EYA3: variants seen among roughly 807,000 people sequenced by gnomAD.
EYA3 encodes EYA transcriptional coactivator and phosphatase 3, also known as protein phosphatase EYA3.
A neutral mutation model predicts 80.0 loss-of-function variants in EYA3; 39 were observed. The observed-to-expected ratio is 0.49, with a 90% CI of 0.38 to 0.64. EYA3 has a LOEUF of 0.64. EYA3 is among the 30% of genes least tolerant of loss of function. The probability of loss-of-function intolerance (pLI) is 0.00; values close to 1 mark genes in which losing one functional copy is unlikely to be tolerated. For missense variants in EYA3, 523 were observed against 676.1 expected (o/e 0.77, Z 2.51); for synonymous variants, 206 against 232.8 (o/e 0.88, Z 1.05).
At chr1:27,989,845 G>A (rs753062195) in intron 14 of EYA3, 34 bp from the exon 15 acceptor site, 16 of 1,396,290 alleles carry the variant, frequency 1.1e-5, no homozygotes, top group Admixed American at 2.1e-5. Context: ...TTTATCATTT[G>A]ACAACATATA....
At chr1:28,035,183 A>G (rs1643375546) in intron 6 of EYA3, among the ~76,000 whole-genome samples, 1 of 152,216 alleles carries the variant, frequency 6.6e-6, no homozygotes, top group Non-Finnish European at 1.5e-5. Context: ...ATACATATTC[A>G]GACTACCTGG....
At chr1:28,085,216 C>G (rs919076584) in intron 1 of EYA3, among the ~76,000 whole-genome samples, 1 of 152,022 alleles carries the variant, frequency 6.6e-6, no homozygotes, top group East Asian at 1.9e-4. Flanking sequence ...TTTGAGAGCC[C>G]GAGGCAGGCA....
intron 16 of EYA3, among the ~76,000 whole-genome samples, chr1:27,987,064 C>A (rs1270681634): frequency 6.6e-6 from 1 of 152,176 alleles, no homozygotes; most frequent in Non-Finnish European, 1.5e-5. Flanking sequence ...ATGTCTGGAA[C>A]CTTTTCATTT....
intron 1 of EYA3, among the ~76,000 whole-genome samples, chr1:28,065,036 C>T (rs1382760598): frequency 6.6e-6 from 1 of 152,228 alleles, no homozygotes; most frequent in Admixed American, 6.5e-5. Flanking sequence ...ATACAGTAGT[C>T]TCCCCTTCCA....
intron 10 of EYA3, among the ~76,000 whole-genome samples, chr1:28,004,971 C>G (rs533448351): frequency 6.6e-6 from 1 of 151,958 alleles, no homozygotes; most frequent in Non-Finnish European, 1.5e-5. Context: ...AAAGAAGATT[C>G]AAATGACTAA....
At chr1:28,076,005 C>T (rs749398645) in intron 1 of EYA3, among the ~76,000 whole-genome samples, 8 of 152,250 alleles carry the variant, frequency 5.3e-5, no homozygotes, top group Non-Finnish European at 2.9e-5. Flanking sequence ...GACCTACACT[C>T]AGCTAACCTC....
chr1:27,978,528 C>A, intron 16 of EYA3, 54 bp from the exon 17 acceptor site: 1 of 1,448,566 alleles, frequency 6.9e-7, no homozygotes, highest in South Asian at 1.1e-5. Context: ...TTTTCAAAAC[C>A]AAAGAAGAGG....
intron 1 of EYA3, among the ~76,000 whole-genome samples, chr1:28,076,792 G>C (rs1645227304): frequency 2.1e-5 from 3 of 144,988 alleles, no homozygotes; most frequent in South Asian, 4.3e-4. Context: ...CCAGGCTGGA[G>C]TGCGATGGCG....
chr1:28,029,317 C>T (rs1009279938), intron 6 of EYA3, among the ~76,000 whole-genome samples: 1 of 152,186 alleles, frequency 6.6e-6, no homozygotes, highest in African/African-American at 2.4e-5. Flanking sequence ...GCAGAGGCTA[C>T]TGTGATGTGT....
chr1:28,056,456 A>G (rs1644441583), intron 2 of EYA3, among the ~76,000 whole-genome samples: 1 of 152,136 alleles, frequency 6.6e-6, no homozygotes, highest in African/African-American at 2.4e-5. Context: ...TCTTGTTTCA[A>G]GGGGAACTAT....
chr1:28,038,968 A>G, intron 4 of EYA3, 63 bp from the exon 5 acceptor site: 1 of 1,010,848 alleles, frequency 9.9e-7, no homozygotes, highest in Non-Finnish European at 1.5e-6. Context: ...GAATGGGAAA[A>G]CTGCACATCT....
Position 27,972,197 on chromosome 1 carries a change from C to G in EYA3, c.*2269G>C, listed in dbSNP as rs1294202698. On this transcript the variant is annotated 3_prime_UTR_variant, in exon 18 of 18. Transcript: ENST00000373871. ...GTGGCCTTTGTCCAGGACAAAAACC[C>G]AACAGCTATACTGCATAGGGGGAGG... The G allele has an allele frequency of 6.6e-6, 1 of 152,192 alleles. No individual in the cohort carries two copies. The highest frequency in any genetic ancestry group is 1.5e-5 in the Non-Finnish European group (1 of 68,050). The allele number at this position is 152,192 out of a possible 1,614,324, so 9.4% of individuals were successfully genotyped here.
intron 1 of EYA3, among the ~76,000 whole-genome samples, chr1:28,081,807 T>A (rs1645440250): frequency 6.6e-6 from 1 of 152,212 alleles, no homozygotes. Context: ...ACGGTGCTGA[T>A]AGCAACTACC....
At chr1:28,035,710 T>C (rs181515037) in intron 5 of EYA3, 30 bp from the exon 6 acceptor site, 176 of 1,609,552 alleles carry the variant, frequency 1.1e-4, no homozygotes, top group Middle Eastern at 1.7e-4. Context: ...CAAAAACTTT[T>C]GTGTGATTTA....
chr1:28,002,426 T>C (rs1300886661), intron 11 of EYA3, among the ~76,000 whole-genome samples: 3 of 150,582 alleles, frequency 2.0e-5, no homozygotes, highest in African/African-American at 4.8e-5. Flanking sequence ...TAAATATATA[T>C]ATAATTTTTT....
intron 16 of EYA3, among the ~76,000 whole-genome samples, chr1:27,987,516 A>G (rs964978942): frequency 1.3e-5 from 2 of 152,172 alleles, no homozygotes; most frequent in African/African-American, 4.8e-5. Flanking sequence ...TTTACGCAGA[A>G]GATTACCCAG....
intron 1 of EYA3, among the ~76,000 whole-genome samples, chr1:28,083,421 G>A (rs918051038): frequency 6.6e-6 from 1 of 152,120 alleles, no homozygotes; most frequent in African/African-American, 2.4e-5. Flanking sequence ...TCAGGAGGCT[G>A]AGGCAGGAGA....
At chr1:27,983,937 G>A (rs527672379) in intron 16 of EYA3, among the ~76,000 whole-genome samples, 35 of 152,336 alleles carry the variant, frequency 2.3e-4, no homozygotes, top group African/African-American at 7.5e-4. Context: ...TTACAGGCAT[G>A]AGCCATTAAG....
At chr1:27,999,901 CTAAA>C in intron 12 of EYA3, 55 bp downstream of exon 12, 1 of 1,289,450 alleles carries the variant, frequency 7.8e-7, no homozygotes, top group Middle Eastern at 1.9e-4. Context: ...AGCAAAAGCT[CTAAA>C]TAGTTATTGA....
Sources: gnomAD v4.1 joint callset for allele counts (sites outside exome capture counted in the v4.1 genomes callset) on GRCh38, gnomAD v4.1.1 for gene constraint, MANE v1.5 for transcripts, NCBI Gene and HGNC (gene_info 2026-07-23, HGNC 2026-07-21) for gene names.